Variants in MAGT1 observed in about 807,000 individuals in gnomAD.
The protein encoded by MAGT1 is dolichyl-diphosphooligosaccharide--protein glycosyltransferase subunit MAGT1.
MAGT1 carries 4 observed loss-of-function variants against 28.4 expected under a neutral mutation model. The ratio of observed to expected loss-of-function variants is 0.14; its 90% CI spans 0.07 to 0.32. The LOEUF is 0.32. Ranked by LOEUF, MAGT1 falls within the 10% of genes least tolerant of loss-of-function variation. The pLI is 1.00. For synonymous variants in MAGT1, 89 were observed against 89.7 expected (o/e 0.99, Z 0.04); for missense variants, 193 against 264.5 (o/e 0.73, Z 1.88).
intron 1 of MAGT1, chrX:77,885,255 T>C (rs1308830032): frequency 9.1e-6 from 1 of 109,456 alleles, no homozygotes; most frequent in African/African-American, 3.3e-5. Context: ...TTGGGCACAG[T>C]GGCTCATGCC....
chrX:77,840,796 T>C (rs2076932750), intron 8 of MAGT1, among the ~76,000 whole-genome samples: 1 of 112,191 alleles, frequency 8.9e-6, no homozygotes, highest in Non-Finnish European at 1.9e-5. Flanking sequence ...TGAGCTATGA[T>C]TATGCTACTG....
chrX:77,830,514 C>T (rs2076894549), intron 9 of MAGT1, among the ~76,000 whole-genome samples: 1 of 110,565 alleles, frequency 9.0e-6, no homozygotes, highest in African/African-American at 3.3e-5. Context: ...ACTTGGGAGG[C>T]TGAGGCAGGA....
chrX:77,855,503 C>T lies in MAGT1; in HGVS notation c.760G>A (p.Val254Met). 1 of 1,193,995 alleles carries T rather than the reference C, an allele frequency of 8.4e-7. No individual in the cohort carries two copies. The highest frequency in any genetic ancestry group is 1.1e-6 in the Non-Finnish European group (1 of 879,747). The change falls in exon 6 of 10, where the codon GTG becomes ATG. Residue 254 changes from valine to methionine, a missense_variant and splice_region_variant. Val to Met is a conservative substitution (Grantham distance 21). Transcript: ENST00000618282. ...AAGAAATCCCAGACTTCCCTTACCA[C>T]ATGTCCCGTGTGGGGATTCTTATGG... ...YAHKNPHTGH[V>M]NYIHGSSQAQ... is the part of the protein sequence containing the mutation.
At chrX:77,830,596 C>A (rs979976091) in intron 9 of MAGT1, among the ~76,000 whole-genome samples, 3 of 108,742 alleles carry the variant, frequency 2.8e-5, no homozygotes, top group African/African-American at 1.0e-4. Flanking sequence ...GTCTGGGCAA[C>A]AAGAGCAAAA....
intron 1 of MAGT1, among the ~76,000 whole-genome samples, chrX:77,878,939 C>T (rs1270087311): frequency 3.6e-5 from 4 of 111,717 alleles, no homozygotes; most frequent in Non-Finnish European, 7.5e-5. Context: ...GAGTTTGTTC[C>T]TTTTTGGCTA....
chrX:77,830,753 AATC>A (rs1408370719), intron 9 of MAGT1, 49 bp downstream of exon 9: 1 of 675,960 alleles, frequency 1.5e-6, no homozygotes, highest in Non-Finnish European at 2.2e-6. Context: ...TATCAACTCT[AATC>A]ATTCCAGGTA....
At chrX:77,878,221 G>A (rs1228770630) in intron 1 of MAGT1, among the ~76,000 whole-genome samples, 2 of 98,537 alleles carry the variant, frequency 2.0e-5, no homozygotes, top group African/African-American at 7.5e-5. Context: ...CCCGGGAGAC[G>A]GAGGTTGCAG....
At chrX:77,831,275 C>T (rs1242806249) in intron 8 of MAGT1, among the ~76,000 whole-genome samples, 3 of 111,178 alleles carry the variant, frequency 2.7e-5, no homozygotes, top group Non-Finnish European at 5.6e-5. Context: ...CCTCAGCCTC[C>T]CAAAGTGCTG....
chrX:77,830,729 ATAT>A (rs1427318556), intron 9 of MAGT1, 73 bp downstream of exon 9: 2 of 483,430 alleles, frequency 4.1e-6, no homozygotes, highest in African/African-American at 4.8e-5. Context: ...AAAAAGAAGG[ATAT>A]TATAAAGCAA....
intron 3 of MAGT1, among the ~76,000 whole-genome samples, chrX:77,859,484 T>C (rs957318385): frequency 3.0e-4 from 34 of 112,272 alleles, no homozygotes; most frequent in African/African-American, 1.1e-3. Context: ...GCAGTGAACA[T>C]CCTTGCACAT....
intron 1 of MAGT1, among the ~76,000 whole-genome samples, chrX:77,893,979 C>T (rs901422607): frequency 3.4e-4 from 38 of 111,355 alleles, no homozygotes; most frequent in African/African-American, 1.2e-3. Context: ...AACGTGAAAA[C>T]GTTCCCCTCA....
At chrX:77,871,966 T>C (rs887383425) in intron 2 of MAGT1, among the ~76,000 whole-genome samples, 5 of 111,809 alleles carry the variant, frequency 4.5e-5, no homozygotes, top group African/African-American at 1.6e-4. Context: ...CTCCTATTTT[T>C]ATTGCTATCA....
rs782148233 is a variant in MAGT1 at position 77,838,072 on chromosome X, C to A, written c.901+3174G>T. 1.2e-4 allele frequency among the ~76,000 whole-genome samples: 13 copies of A among 112,109 alleles called. No individual in the cohort carries two copies. In the Admixed American group the frequency reaches 1.2e-3, roughly 11 times the overall value. ...AACTTTTTAATCATAAAAGGAAAAT[C>A]TTGACTTATTTCATGAAAGTAAAAC... On this transcript the variant is annotated intron_variant, in intron 8 of 9. Transcript: ENST00000618282.
At chrX:77,875,668 C>T in intron 1 of MAGT1, 71 bp from the exon 2 acceptor site, 1 of 1,079,844 alleles carries the variant, frequency 9.3e-7, no homozygotes, top group East Asian at 3.0e-5. Context: ...AATGAGGCAG[C>T]TTACTTAAAA....
intron 1 of MAGT1, among the ~76,000 whole-genome samples, chrX:77,881,729 G>C (rs2077053355): frequency 9.0e-6 from 1 of 111,194 alleles, no homozygotes; most frequent in Non-Finnish European, 1.9e-5. Flanking sequence ...AAACATACGT[G>C]TGCATGTGTC....
At chrX:77,837,203 T>C (rs982752266) in intron 8 of MAGT1, 3 of 111,199 alleles carry the variant, frequency 2.7e-5, no homozygotes, top group African/African-American at 9.8e-5. Flanking sequence ...AGGCAAAGTC[T>C]ACAGCCATAG....
intron 3 of MAGT1, among the ~76,000 whole-genome samples, chrX:77,864,648 T>C (rs782404044): frequency 1.1e-4 from 12 of 111,742 alleles, no homozygotes; most frequent in Non-Finnish European, 2.1e-4. Context: ...TTAAAATAAA[T>C]GGAATTAAAA....
chrX:77,878,159 CAT>C (rs2077040985), intron 1 of MAGT1, among the ~76,000 whole-genome samples: 1 of 104,555 alleles, frequency 9.6e-6, no homozygotes, highest in Admixed American at 1.1e-4. Context: ...CATGGTGGCA[CAT>C]GCCTGTAATC....
chrX:77,884,554 T>C (rs1324170463), intron 1 of MAGT1, among the ~76,000 whole-genome samples: 1 of 110,681 alleles, frequency 9.0e-6, no homozygotes, highest in Non-Finnish European at 1.9e-5. Flanking sequence ...CAGGCCATGA[T>C]CATTCTAAAC....
Sources: allele counts gnomAD v4.1 joint callset (sites outside exome capture counted in the v4.1 genomes callset), GRCh38; gene constraint gnomAD v4.1.1; transcripts MANE v1.5; gene names NCBI Gene and HGNC (gene_info 2026-07-23, HGNC 2026-07-21).